Variants in CNTN3 observed in about 807,000 individuals in gnomAD.
CNTN3 encodes the protein contactin-3.
In CNTN3, 60 loss-of-function variants were observed where a neutral mutation model predicts 119.1. The observed-to-expected ratio is 0.50, with a 90% CI of 0.41 to 0.62. CNTN3 has a LOEUF of 0.62. Among genes scored for constraint, CNTN3 ranks in the 20% least tolerant of loss-of-function variants. The pLI is 0.00. For missense variants in CNTN3, 1,101 were observed against 1,242.4 expected, an observed-to-expected ratio of 0.89 and a Z score of 1.71; for synonymous variants, 450 against 438.7, an observed-to-expected ratio of 1.03 and a Z score of -0.32.
intron 5 of CNTN3, among the ~76,000 whole-genome samples, chr3:74,420,994 C>A (rs558289440): frequency 3.3e-5 from 5 of 152,136 alleles, no homozygotes; most frequent in African/African-American, 4.8e-5. Flanking sequence ...ACGCTCTTAG[C>A]ATCTGCAGGC....
At chr3:74,495,763 T>A (rs1223584144) in intron 3 of CNTN3, among the ~76,000 whole-genome samples, 1 of 152,052 alleles carries the variant, frequency 6.6e-6, no homozygotes, top group East Asian at 1.9e-4. Flanking sequence ...GACAACCATG[T>A]TTAAGGGCAA....
chr3:74,386,107 G>A (rs991594500), intron 5 of CNTN3, among the ~76,000 whole-genome samples: 10 of 152,128 alleles, frequency 6.6e-5, no homozygotes, highest in Admixed American at 2.6e-4. Context: ...CTGAATCCAG[G>A]GAGTGTGAGT....
chr3:74,368,638 A>G (rs780471718), intron 8 of CNTN3, among the ~76,000 whole-genome samples: 4 of 152,072 alleles, frequency 2.6e-5, no homozygotes, highest in Non-Finnish European at 5.9e-5. Context: ...TTCCTTCCTT[A>G]CCCAAATTGA....
intron 13 of CNTN3, among the ~76,000 whole-genome samples, chr3:74,320,545 C>T (rs1235786734): frequency 6.6e-6 from 1 of 152,144 alleles, no homozygotes; most frequent in African/African-American, 2.4e-5. Flanking sequence ...GGAGGGATAG[C>T]ATTAGGAGAT....
At chr3:74,378,313 G>A (rs539813529) in intron 5 of CNTN3, among the ~76,000 whole-genome samples, 13 of 152,174 alleles carry the variant, frequency 8.5e-5, no homozygotes, top group South Asian at 2.1e-4. Context: ...ACTGTAAACC[G>A]AAAGACATCT....
intron 20 of CNTN3, chr3:74,267,659 G>C (rs1260878042): frequency 6.3e-6 from 2 of 318,298 alleles, no homozygotes; most frequent in Non-Finnish European, 1.2e-5. Flanking sequence ...CCCAAAAAAG[G>C]CATTTCAATT....
chr3:74,361,864 G>T lies in CNTN3; in HGVS notation c.1364+26C>A. Reference sequence around the variant, plus strand: ...TATGGAAAGTGAGAGGAAAGTAAATGACCACTTTTCTGGACATCAAAATAC... The same window carrying T: ...TATGGAAAGTGAGAGGAAAGTAAATTACCACTTTTCTGGACATCAAAATAC... On this transcript the variant is annotated intron_variant, in intron 11 of 22. Coordinates refer to ENST00000263665, the MANE Select transcript of CNTN3 (RefSeq NM_020872.3). 3 of 1,577,708 alleles carry T rather than the reference G, an allele frequency of 1.9e-6. No individual in the cohort carries two copies. The South Asian group carries it at 3.5e-5, about 18-fold the overall frequency.
Position 74,364,482 on chromosome 3 carries a change from C to A in CNTN3, c.1198G>T (p.Glu400Ter). 1 of 1,612,042 alleles carries A rather than the reference C, an allele frequency of 6.2e-7. No individual in the cohort carries two copies. The highest frequency in any genetic ancestry group is 1.1e-5 in the South Asian group (1 of 90,916). ...TCAGCCTTACCAACAACTTTGAGCTCAGCACTGGAATAAACAAGGCCATGT... is the reference window on the plus strand; with the variant it reads ...TCAGCCTTACCAACAACTTTGAGCTAAGCACTGGAATAAACAAGGCCATGT... ...NKHGLVYSSA[E>*]LKVVASAPDF... Residue 400 changes from glutamate to a stop codon, truncating the protein, a stop_gained, in exon 10 of 23, where the codon GAG (glutamate) becomes TAG (stop). Transcript: ENST00000263665. LOFTEE classifies it high-confidence loss of function.
chr3:74,542,078 T>A (rs753293745), intron 1 of CNTN3, among the ~76,000 whole-genome samples: 6 of 151,914 alleles, frequency 3.9e-5, no homozygotes, highest in Non-Finnish European at 7.4e-5. Context: ...GAAAAAAAAA[T>A]TAAAAATTAG....
At chr3:74,380,384 C>T (rs1351053469) in intron 5 of CNTN3, among the ~76,000 whole-genome samples, 1 of 152,218 alleles carries the variant, frequency 6.6e-6, no homozygotes, top group Non-Finnish European at 1.5e-5. Context: ...CTGGCACTTT[C>T]CTCATCGCTT....
intron 4 of CNTN3, among the ~76,000 whole-genome samples, chr3:74,463,581 T>C (rs1221420572): frequency 6.6e-6 from 1 of 152,170 alleles, no homozygotes; most frequent in East Asian, 1.9e-4. Flanking sequence ...AGTTTGCACC[T>C]CATGCAGACA....
chr3:74,311,834 A>G (rs564851090), intron 13 of CNTN3, among the ~76,000 whole-genome samples: 2 of 152,320 alleles, frequency 1.3e-5, no homozygotes, highest in South Asian at 2.1e-4. Context: ...CATAGGACAA[A>G]CGGCTTCCCC....
intron 2 of CNTN3, among the ~76,000 whole-genome samples, chr3:74,507,884 G>A (rs895518112): frequency 3.3e-5 from 5 of 151,624 alleles, no homozygotes; most frequent in Non-Finnish European, 5.9e-5. Context: ...CATTCGCCTC[G>A]GCCTCCCAAA....
chr3:74,352,908 C>A (rs900180379), intron 11 of CNTN3, among the ~76,000 whole-genome samples: 1 of 152,028 alleles, frequency 6.6e-6, no homozygotes, highest in Non-Finnish European at 1.5e-5. Context: ...CTGACAGTTG[C>A]GAGGGAACAA....
At chr3:74,476,239 C>T (rs1222482701) in intron 4 of CNTN3, among the ~76,000 whole-genome samples, 1 of 152,108 alleles carries the variant, frequency 6.6e-6, no homozygotes, top group East Asian at 1.9e-4. Flanking sequence ...GCACAGGAAC[C>T]TAATCTTGTA....
chr3:74,579,078 A>C (rs1446606138), intron 1 of CNTN3, among the ~76,000 whole-genome samples: 1 of 152,042 alleles, frequency 6.6e-6, no homozygotes, highest in African/African-American at 2.4e-5. Flanking sequence ...TTTCCATGTA[A>C]ACAATCAGCA....
chr3:74,594,273 C>CTTTTTTTTTTTTTTTTTTTT (rs59436860), intron 1 of CNTN3, among the ~76,000 whole-genome samples: 6 of 112,052 alleles, frequency 5.4e-5, no homozygotes, highest in Non-Finnish European at 8.1e-5. Context: ...TTCTTTTTTT[C>CTTTTTTTTTTTTTTTTTTTT]TTTTTTTTTT....
intron 4 of CNTN3, among the ~76,000 whole-genome samples, chr3:74,459,329 T>C (rs77404534): frequency 4.5e-4 from 69 of 152,042 alleles, no homozygotes; most frequent in African/African-American, 1.5e-3. Context: ...TTCCTGATCC[T>C]TTCCTCTTCA....
chr3:74,572,022 C>G (rs1342191969), intron 1 of CNTN3, among the ~76,000 whole-genome samples: 1 of 152,076 alleles, frequency 6.6e-6, no homozygotes, highest in Non-Finnish European at 1.5e-5. Flanking sequence ...TGGCTCCAAG[C>G]CTTTGCAACT....
Sources: gnomAD v4.1 joint callset for allele counts (sites outside exome capture counted in the v4.1 genomes callset) on GRCh38, gnomAD v4.1.1 for gene constraint, MANE v1.5 for transcripts, NCBI Gene and HGNC (gene_info 2026-07-23, HGNC 2026-07-21) for gene names.